Variants in OR56A3 observed in about 807,000 individuals in gnomAD.
The protein encoded by OR56A3 is olfactory receptor 56A3.
OR56A3 carries 23 observed loss-of-function variants against 17.5 expected under a neutral mutation model. That is an observed-to-expected ratio of 1.32 (90% confidence interval 0.95 to 1.87). The LOEUF is 1.87. Ranked by LOEUF, OR56A3 falls within the 40% of genes most tolerant of loss-of-function variation. OR56A3 has a pLI of 0.00. For synonymous variants in OR56A3, 175 were observed against 150.6 expected, an observed-to-expected ratio of 1.16 and a Z score of -1.19; for missense variants, 366 against 380.1, an observed-to-expected ratio of 0.96 and a Z score of 0.31.
At chr11:6,011,849 G>A in the OR56A3 span, among the ~76,000 whole-genome samples, 2 of 152,158 alleles carry the variant, frequency 1.3e-5, no homozygotes, top group Admixed American at 6.5e-5. Flanking sequence ...TGCTGCCACG[G>A]GCAGACAGAT....
At chr11:5,985,624 G>T in the OR56A3 span, among the ~76,000 whole-genome samples, 3 of 152,130 alleles carry the variant, frequency 2.0e-5, no homozygotes, top group Non-Finnish European at 4.4e-5. Flanking sequence ...GCCTACCATT[G>T]GGCAAAGGCG....
the OR56A3 span, chr11:6,021,530 A>G: frequency 6.6e-6 from 1 of 152,116 alleles, no homozygotes; most frequent in Admixed American, 6.5e-5. Flanking sequence ...TTTAAAATGA[A>G]TAATTAAATA....
chr11:6,019,901 C>T, the OR56A3 span: 1 of 152,096 alleles, frequency 6.6e-6, no homozygotes, highest in Non-Finnish European at 1.5e-5. Context: ...TTGGCTCTAT[C>T]CACAGGCAAA....
chr11:5,955,366 C>A (rs1194113811), downstream of OR56A3, among the ~76,000 whole-genome samples: 1 of 152,132 alleles, frequency 6.6e-6, no homozygotes, highest in Non-Finnish European at 1.5e-5. Flanking sequence ...TGTAAAATTT[C>A]TTATTATTAG....
rs779709353 is a variant in OR56A3 at position 5,947,493 on chromosome 11, C to T, written c.147C>T (p.Leu49=). The T allele has an allele frequency of 4.5e-5, 72 of 1,613,946 alleles. No homozygotes were observed. The highest frequency in any genetic ancestry group is 5.7e-5 in the Non-Finnish European group (67 of 1,179,938). The part of the protein sequence containing the change: ...FLLAVGANTT[L]LMTIWLEASL... The stretch of plus-strand genomic sequence containing the variant: ...TGGCCGTAGGGGCCAACACCACCCT[C>T]CTGATGACCATCTGGCTGGAGGCCT... Residue 49 remains leucine (L), a synonymous_variant, in exon 3 of 3, where the codon CTC becomes CTT. Transcript: ENST00000641160.
At chr11:6,002,930 G>T in the OR56A3 span, 2 of 1,613,908 alleles carry the variant, frequency 1.2e-6, no homozygotes, top group Non-Finnish European at 1.7e-6. Context: ...TCTGGAAGTT[G>T]GGGAAGCAGA....
Position 5,947,251 on chromosome 11 carries a change from A to T in OR56A3, c.-36-60A>T, listed in dbSNP as rs530595884. The T allele has an allele frequency of 1.0e-4, 120 of 1,177,560 alleles. 1 individual carries two copies. In the South Asian group the frequency reaches 1.6e-3, roughly 16 times the overall value. 72.9% of individuals were successfully genotyped at this position (1,177,560 alleles called of 1,614,324 possible). A position where few individuals can be genotyped will look rare whatever the true frequency, so the allele number is the denominator to read the frequency against. Reference sequence around the variant, plus strand: ...ACCACAAGTTGTACCTATGACAAACAAATTGTGCTATCTTTGTGTATCAAG... The same window carrying T: ...ACCACAAGTTGTACCTATGACAAACTAATTGTGCTATCTTTGTGTATCAAG... On this transcript the variant is annotated intron_variant, in intron 2 of 2. Transcript: ENST00000641160.
At chr11:6,019,683 C>T in the OR56A3 span, 1 of 152,066 alleles carries the variant, frequency 6.6e-6, no homozygotes, top group Non-Finnish European at 1.5e-5. Context: ...ATTAAATTGC[C>T]TCCCAATTGT....
At chr11:6,016,457 C>T in the OR56A3 span, among the ~76,000 whole-genome samples, 2 of 152,044 alleles carry the variant, frequency 1.3e-5, no homozygotes, top group Admixed American at 6.5e-5. Context: ...AAAATCAAAG[C>T]TAAAGTGCCC....
At chr11:6,000,404 G>A in the OR56A3 span, 1 of 152,148 alleles carries the variant, frequency 6.6e-6, no homozygotes, top group South Asian at 2.1e-4. Flanking sequence ...ATAGGTGGGA[G>A]TTGAACAATG....
At chr11:5,992,747 A>G in the OR56A3 span, among the ~76,000 whole-genome samples, 4 of 152,170 alleles carry the variant, frequency 2.6e-5, no homozygotes, top group African/African-American at 4.8e-5. Context: ...TCCATCACCA[A>G]GCAGATCTTT....
chr11:5,960,645 A>G, the OR56A3 span, among the ~76,000 whole-genome samples: 1 of 152,102 alleles, frequency 6.6e-6, no homozygotes. Flanking sequence ...TTGGCCTCCC[A>G]AAGTGCTGAG....
chr11:6,014,408 ATC>A, the OR56A3 span, among the ~76,000 whole-genome samples: 1 of 152,104 alleles, frequency 6.6e-6, no homozygotes, highest in African/African-American at 2.4e-5. Context: ...TTATCATAAG[ATC>A]TGTTTGTTTA....
At chr11:5,962,602 A>C in the OR56A3 span, among the ~76,000 whole-genome samples, 2 of 147,200 alleles carry the variant, frequency 1.4e-5, no homozygotes, top group Non-Finnish European at 1.5e-5. Flanking sequence ...GCAGTGGCGC[A>C]ATCTCGGCTC....
the OR56A3 span, among the ~76,000 whole-genome samples, chr11:5,956,440 C>T: frequency 6.6e-6 from 1 of 152,092 alleles, no homozygotes; most frequent in African/African-American, 2.4e-5. Flanking sequence ...ACAATTATGT[C>T]TTTCTCACGT....
chr11:5,974,957 C>T, the OR56A3 span, among the ~76,000 whole-genome samples: 1 of 152,244 alleles, frequency 6.6e-6, no homozygotes, highest in Non-Finnish European at 1.5e-5. Flanking sequence ...TCTTTGTGTC[C>T]TCCACTTTTC....
the OR56A3 span, among the ~76,000 whole-genome samples, chr11:5,972,613 G>A: frequency 1.3e-3 from 195 of 152,250 alleles, no homozygotes; most frequent in African/African-American, 3.5e-3. Flanking sequence ...AAGCCAGCTG[G>A]GAGCAGTAGT....
Position 5,947,554 on chromosome 11 carries a change from C to T in OR56A3, c.208C>T (p.Leu70Phe), listed in dbSNP as rs1847878334. The T allele has an allele frequency of 6.2e-7, 1 of 1,614,194 alleles. No homozygotes were observed. Among genetic ancestry groups the T allele is most frequent in the Non-Finnish European group, 8.5e-7 (1 of 1,180,038 alleles). ...HQPLYYLLSL[L>F]SLLDIVLCLT... ...GCCCCTGTACTACCTGCTCAGCCTCCTCTCCCTGCTGGACATCGTGCTCTG... is the reference window on the plus strand; with the variant it reads ...GCCCCTGTACTACCTGCTCAGCCTCTTCTCCCTGCTGGACATCGTGCTCTG... The change falls in exon 3 of 3, where the codon CTC becomes TTC. Residue 70 changes from leucine to phenylalanine, a missense_variant. Physicochemically the swap from Leu to Phe is conservative, Grantham distance 22. Coordinates refer to ENST00000641160, the MANE Select transcript of OR56A3 (RefSeq NM_001003443.3).
chr11:6,020,383 G>C, the OR56A3 span: 1 of 152,084 alleles, frequency 6.6e-6, no homozygotes, highest in African/African-American at 2.4e-5. Context: ...CATTGAATCT[G>C]TAAATTGCTT....
Sources: gnomAD v4.1 joint callset for allele counts (sites outside exome capture counted in the v4.1 genomes callset) on GRCh38, gnomAD v4.1.1 for gene constraint, MANE v1.5 for transcripts, NCBI Gene and HGNC (gene_info 2026-07-23, HGNC 2026-07-21) for gene names.